TCF12: variants seen among roughly 807,000 people sequenced by gnomAD.
The protein encoded by TCF12 is transcription factor 12.
In TCF12, 45 loss-of-function variants were observed where a neutral mutation model predicts 86.0. That is an observed-to-expected ratio of 0.52 (90% CI 0.41 to 0.67). The LOEUF (loss-of-function observed/expected upper bound fraction) is 0.67, where lower values mean the gene tolerates loss of function less well. TCF12 is among the 30% of genes least tolerant of loss of function. TCF12 has a pLI of 0.00. For missense variants in TCF12, 881 were observed against 859.9 expected, an observed-to-expected ratio of 1.02 and a Z score of -0.31; for synonymous variants, 330 against 299.6, an observed-to-expected ratio of 1.10 and a Z score of -1.05.
At chr15:57,003,405 A>G (rs1256687048) in intron 3 of TCF12, among the ~76,000 whole-genome samples, 1 of 152,224 alleles carries the variant, frequency 6.6e-6, no homozygotes, top group African/African-American at 2.4e-5. Context: ...CAACAAAACA[A>G]TAACTCATTC....
intron 3 of TCF12, among the ~76,000 whole-genome samples, chr15:57,034,539 A>G (rs2066388630): frequency 6.6e-6 from 1 of 152,206 alleles, no homozygotes; most frequent in South Asian, 2.1e-4. Flanking sequence ...TTCATAAATT[A>G]TGACAATGAA....
chr15:57,007,837 TTTC>T (rs2064527916), intron 3 of TCF12, among the ~76,000 whole-genome samples: 1 of 138,970 alleles, frequency 7.2e-6, no homozygotes, highest in African/African-American at 2.7e-5. Flanking sequence ...TCTTTCTTTC[TTTC>T]TCTCTTTCCC....
At chr15:57,232,971 T>TAAC in intron 11 of TCF12, 115 bp downstream of exon 11, 1 of 599,902 alleles carries the variant, frequency 1.7e-6, no homozygotes. Context: ...TATATGTATA[T>TAAC]ATGTTATATA....
In TCF12 at chr15:57,151,177, T is replaced by C. The variant is rs2053732406; in HGVS notation, c.326-15225T>C. On this transcript the variant is annotated intron_variant, in intron 5 of 20. Transcript: ENST00000333725. Reference sequence around the variant, plus strand: ...TTTTTTTTTTTTAGAGACAGGGTCTTACTATGTTGCCCAGGCTGGTCTTAA... The same window carrying C: ...TTTTTTTTTTTTAGAGACAGGGTCTCACTATGTTGCCCAGGCTGGTCTTAA... Among the ~76,000 whole-genome samples, 4 of 149,168 alleles carry C rather than the reference T, an allele frequency of 2.7e-5. No homozygotes were observed. In the Admixed American group the frequency reaches 2.7e-4, roughly 10 times the overall value.
intron 6 of TCF12, among the ~76,000 whole-genome samples, chr15:57,187,309 CTTG>C (rs1392674354): frequency 7.9e-5 from 12 of 152,266 alleles, no homozygotes; most frequent in African/African-American, 2.9e-4. Context: ...AGCTAATATA[CTTG>C]TTGGTAACAG....
intron 12 of TCF12, among the ~76,000 whole-genome samples, chr15:57,234,940 A>T (rs1465234021): frequency 2.6e-5 from 4 of 152,208 alleles, no homozygotes; most frequent in Non-Finnish European, 4.4e-5. Context: ...ACTGTCAGAT[A>T]CATTTGTTGC....
At chr15:57,159,072 A>C (rs1160181973) in intron 5 of TCF12, among the ~76,000 whole-genome samples, 7 of 152,186 alleles carry the variant, frequency 4.6e-5, no homozygotes. Context: ...TACCAAAATA[A>C]AGTCTATAAT....
At chr15:57,246,135 T>C (rs1363126019) in intron 13 of TCF12, among the ~76,000 whole-genome samples, 2 of 152,156 alleles carry the variant, frequency 1.3e-5, no homozygotes, top group African/African-American at 4.8e-5. Context: ...TTCTACCCAC[T>C]CTGTGAGTAG....
At chr15:57,232,950 T>G in intron 11 of TCF12, 94 bp downstream of exon 11, 2 of 791,676 alleles carry the variant, frequency 2.5e-6, no homozygotes, top group Non-Finnish European at 3.3e-6. Context: ...TTTATATATA[T>G]AAATGTTATA....
chr15:56,995,011 A>G (rs1285600962), intron 3 of TCF12, among the ~76,000 whole-genome samples: 4 of 152,104 alleles, frequency 2.6e-5, no homozygotes, highest in African/African-American at 7.2e-5. Context: ...TGGCTGTGGC[A>G]TCAAATATAA....
At chr15:56,947,810 G>A (rs1414243484) in intron 3 of TCF12, among the ~76,000 whole-genome samples, 1 of 152,176 alleles carries the variant, frequency 6.6e-6, no homozygotes, top group Admixed American at 6.5e-5. Flanking sequence ...AGCCATGACA[G>A]CCACATATAT....
At chr15:57,239,734 T>G (rs867960063) in intron 12 of TCF12, among the ~76,000 whole-genome samples, 11 of 151,418 alleles carry the variant, frequency 7.3e-5, no homozygotes, top group Middle Eastern at 6.8e-3. Flanking sequence ...AAGGGTAGAG[T>G]GGCAGAGGAA....
intron 12 of TCF12, among the ~76,000 whole-genome samples, chr15:57,234,474 A>G (rs1939904345): frequency 1.3e-5 from 2 of 152,186 alleles, no homozygotes; most frequent in Non-Finnish European, 1.5e-5. Context: ...CTTTTCCAAG[A>G]TCAAAAGCAT....
At chr15:57,140,919 T>C (rs1053929839) in intron 5 of TCF12, among the ~76,000 whole-genome samples, 55 of 152,336 alleles carry the variant, frequency 3.6e-4, no homozygotes, top group African/African-American at 1.2e-3. Context: ...GTCAAGGTAT[T>C]GTCCAATCTG....
At chr15:57,222,111 CTAATAA>C (rs1433187388) in intron 8 of TCF12, among the ~76,000 whole-genome samples, 1 of 151,756 alleles carries the variant, frequency 6.6e-6, no homozygotes, top group Non-Finnish European at 1.5e-5. Flanking sequence ...TTTTGAAATA[CTAATAA>C]TAAGTTCACA....
At chr15:57,174,692 A>T (rs1196801840) in intron 6 of TCF12, among the ~76,000 whole-genome samples, 1 of 152,238 alleles carries the variant, frequency 6.6e-6, no homozygotes, top group Non-Finnish European at 1.5e-5. Flanking sequence ...ACAGGATACA[A>T]AGTCAATCTA....
At chr15:57,023,082 T>C (rs16977199) in intron 3 of TCF12, among the ~76,000 whole-genome samples, 2 of 152,128 alleles carry the variant, frequency 1.3e-5, no homozygotes, top group African/African-American at 4.8e-5. Flanking sequence ...TCAGGAATTT[T>C]AAATTTTTGT....
rs752286896 is a variant in TCF12 at position 57,091,910 on chromosome 15, G to T, written c.325+19G>T. On this transcript the variant is annotated intron_variant, in intron 5 of 20. Transcript: ENST00000333725. Reference sequence around the variant, plus strand: ...CTGATGGGTAAGTTGGTAATTCTCTGCAAGTAGTCTTCTCAAAGCTTCTTT... The same window carrying T: ...CTGATGGGTAAGTTGGTAATTCTCTTCAAGTAGTCTTCTCAAAGCTTCTTT... 6 of 1,595,120 alleles carry T rather than the reference G, an allele frequency of 3.8e-6. No homozygotes were observed. Among genetic ancestry groups the T allele is most frequent in the Non-Finnish European group, 3.4e-6 (4 of 1,163,128 alleles).
intron 5 of TCF12, among the ~76,000 whole-genome samples, chr15:57,158,604 C>G (rs16977269): frequency 0.051 from 7,748 of 152,246 alleles, 357 homozygotes; most frequent in African/African-American, 0.13. Flanking sequence ...AAGCTGCTTA[C>G]AGTTCTGATG....
Sources: allele counts gnomAD v4.1 joint callset (sites outside exome capture counted in the v4.1 genomes callset), GRCh38; gene constraint gnomAD v4.1.1; transcripts MANE v1.5; gene names NCBI Gene and HGNC (gene_info 2026-07-23, HGNC 2026-07-21).